DNASE1: variants seen among roughly 807,000 people sequenced by gnomAD.
The protein encoded by DNASE1 is deoxyribonuclease-1.
DNASE1 carries 40 observed loss-of-function variants against 33.9 expected under a neutral mutation model. The observed-to-expected ratio is 1.18, with a 90% CI of 0.92 to 1.54. DNASE1 has a LOEUF of 1.54. Ranked by LOEUF, DNASE1 falls within the 40% of genes most tolerant of loss-of-function variation. The pLI is 0.00. For missense variants in DNASE1, 518 were observed against 372.6 expected (o/e 1.39, Z -3.21); for synonymous variants, 216 against 160.0 (o/e 1.35, Z -2.64).
intron 1 of DNASE1, among the ~76,000 whole-genome samples, chr16:3,630,224 A>C (rs1256917684): frequency 6.6e-6 from 1 of 152,000 alleles, no homozygotes; most frequent in East Asian, 1.9e-4. Context: ...TTTGTTACCC[A>C]GACTGGAGTG....
chr16:3,616,953 T>A (rs2041124458), intron 1 of DNASE1, among the ~76,000 whole-genome samples: 2 of 152,138 alleles, frequency 1.3e-5, no homozygotes, highest in African/African-American at 4.8e-5. Flanking sequence ...TGCAAAAGAA[T>A]GAAGTTAGAC....
chr16:3,655,514 T>C lies in DNASE1; in HGVS notation c.141T>C (p.Ile47=). The C allele has an allele frequency of 6.2e-7, 1 of 1,614,064 alleles. No homozygotes were observed. The highest frequency in any genetic ancestry group is 8.5e-7 in the Non-Finnish European group (1 of 1,180,014). The change falls in exon 2 of 9, where the codon ATT becomes ATC. Residue 47 remains isoleucine, a synonymous_variant. Transcript: ENST00000246949. ...CCAATGCCACCCTCGTCAGCTACAT[T>C]GTGCAGGTGAGGCCAGGGCAGCCTC... ...KMSNATLVSY[I]VQILSRYDIA... is the part of the protein sequence containing the mutation.
chr16:3,639,465 C>T (rs577304117), upstream of DNASE1, among the ~76,000 whole-genome samples: 23 of 152,324 alleles, frequency 1.5e-4, no homozygotes, highest in South Asian at 4.1e-4. Flanking sequence ...TTAGCGTCCT[C>T]GCACGTGGTT....
chr16:3,664,482 C>T (rs775087081), exon 10 of DNASE1: 4 of 1,593,068 alleles, frequency 2.5e-6, no homozygotes, highest in South Asian at 2.3e-5. Context: ...GGGCAGGTCA[C>T]CACTTATTCC....
intron 1 of DNASE1, among the ~76,000 whole-genome samples, chr16:3,629,848 C>G (rs998311354): frequency 4.6e-5 from 7 of 152,134 alleles, no homozygotes; most frequent in Non-Finnish European, 1.0e-4. Context: ...GAGTCTTGCT[C>G]TGTTATCCAG....
chr16:3,664,337 G>A lies in DNASE1; in HGVS notation c.*6384G>A. ...AGTGCTCTGCCAGGTGACGGTTGGG[G>A]GCGCACAGGTAGTAGATGTTGCGGG... On this transcript the variant is annotated 3_prime_UTR_variant, in exon 10 of 10. Transcript: ENST00000407479. 6.2e-7 allele frequency: 1 copy of A among 1,613,014 alleles called. No homozygotes were observed. Among genetic ancestry groups the A allele is most frequent in the Non-Finnish European group, 8.5e-7 (1 of 1,179,654 alleles).
In DNASE1 at chr16:3,655,435, TGTC is replaced by T; in HGVS notation, c.63_65del (p.Ser22del). ...CTGGCGGCCCTACTGCAGGGGGCCG[TGTC>T]CCTGAAGATCGCAGCCTTCAACATC... is the stretch of plus-strand genomic sequence containing the variant. On this transcript the variant is annotated inframe_deletion, in exon 2 of 9. Transcript: ENST00000246949. 6.2e-7 allele frequency: 1 copy of T among 1,614,112 alleles called. No individual in the cohort carries two copies. The highest frequency in any genetic ancestry group is 8.5e-7 in the Non-Finnish European group (1 of 1,180,030).
chr16:3,662,894 G>T, downstream of DNASE1: 1 of 1,613,560 alleles, frequency 6.2e-7, no homozygotes, highest in Non-Finnish European at 8.5e-7. Flanking sequence ...TCACGTTGGT[G>T]ACACGCGACC....
upstream of DNASE1, chr16:3,654,127 C>G (rs931942139): frequency 1.4e-5 from 5 of 361,616 alleles, no homozygotes; most frequent in Non-Finnish European, 4.9e-6. Flanking sequence ...AATAAAAACC[C>G]AAAACAAAAG....
At chr16:3,653,204 G>A (rs890153929), upstream of DNASE1, 2 of 152,284 alleles carry the variant, frequency 1.3e-5, no homozygotes, top group Admixed American at 1.3e-4. Flanking sequence ...GAAAGCCAAG[G>A]ATTGCTGGCA....
At chr16:3,654,493 T>G, upstream of DNASE1, 1 of 398,664 alleles carries the variant, frequency 2.5e-6, no homozygotes, top group Non-Finnish European at 4.4e-6. Flanking sequence ...CTTTGGCCTC[T>G]TTGTCCAAAG....
upstream of DNASE1, chr16:3,654,596 G>A (rs17136471): frequency 0.057 from 22,602 of 398,394 alleles, 715 homozygotes; most frequent in Non-Finnish European, 0.064. Flanking sequence ...TATCCTGGAA[G>A]ATGGGGGCCA....
intron 1 of DNASE1, among the ~76,000 whole-genome samples, chr16:3,635,576 C>G (rs886943869): frequency 4.7e-5 from 7 of 149,300 alleles, no homozygotes; most frequent in African/African-American, 1.5e-4. Flanking sequence ...TTCCTTCTTT[C>G]TCAAACACTT....
chr16:3,615,329 C>T (rs78583939), intron 1 of DNASE1, among the ~76,000 whole-genome samples: 1 of 152,078 alleles, frequency 6.6e-6, no homozygotes, highest in African/African-American at 2.4e-5. Flanking sequence ...AACTGGGGCA[C>T]CTGCTTCTTT....
At chr16:3,663,200 G>A in exon 10 of DNASE1, 1 of 686,410 alleles carries the variant, frequency 1.5e-6, no homozygotes, top group Non-Finnish European at 2.4e-6. Flanking sequence ...AAGAAGCTGG[G>A]CCAGCTCCAG....
At chr16:3,616,587 C>T (rs1373234415) in intron 1 of DNASE1, among the ~76,000 whole-genome samples, 2 of 152,192 alleles carry the variant, frequency 1.3e-5, no homozygotes, top group Admixed American at 1.3e-4. Flanking sequence ...CAACACTGCA[C>T]TCCAGCCTGG....
At chr16:3,618,085 CAA>C (rs71392849) in intron 1 of DNASE1, among the ~76,000 whole-genome samples, 100 of 104,110 alleles carry the variant, frequency 9.6e-4, no homozygotes, top group African/African-American at 2.1e-3. Flanking sequence ...AAGCCAAGAC[CAA>C]AAAAAAAAAA....
downstream of DNASE1, chr16:3,658,302 A>G (rs546986993): frequency 5.6e-5 from 70 of 1,242,618 alleles, no homozygotes; most frequent in Admixed American, 1.1e-3. Flanking sequence ...TTTGAGACAG[A>G]GTCTCACTGT....
Position 3,664,245 on chromosome 16 carries a change from G to A in DNASE1, c.*6292G>A, listed in dbSNP as rs115291551. 1.1e-3 allele frequency: 1,733 copies of A among 1,526,194 alleles called. 27 individuals carry two copies. The African/African-American group carries it at 0.02, about 17-fold the overall frequency. The allele number at this position is 1,526,194 out of a possible 1,614,324, so 94.5% of individuals were successfully genotyped here. ...AGACCCTCCCCAGGTTGCAGCCCCC[G>A]GAGCCCGCCCCACCCACCGCTCACC... On this transcript the variant is annotated 3_prime_UTR_variant, in exon 10 of 10. Transcript: ENST00000407479.
Sources: gnomAD v4.1 joint callset for allele counts (sites outside exome capture counted in the v4.1 genomes callset) on GRCh38, gnomAD v4.1.1 for gene constraint, MANE v1.5 for transcripts, NCBI Gene and HGNC (gene_info 2026-07-23, HGNC 2026-07-21) for gene names.